Variants in BRF1 observed in about 807,000 individuals in gnomAD.
The protein encoded by BRF1 is transcription factor IIIB 90 kDa subunit.
A neutral mutation model predicts 81.7 loss-of-function variants in BRF1; 59 were observed. The ratio of observed to expected loss-of-function variants is 0.72; its 90% confidence interval spans 0.59 to 0.90. BRF1 has a LOEUF of 0.90. Among genes scored for constraint, BRF1 ranks in the 40% least tolerant of loss-of-function variants. The probability of loss-of-function intolerance (pLI) is 0.00; values close to 1 mark genes in which losing one functional copy is unlikely to be tolerated. For missense variants in BRF1, 1,050 were observed against 936.3 expected (o/e 1.12, Z -1.58); for synonymous variants, 491 against 395.6 (o/e 1.24, Z -2.86).
rs138535691 is a variant in BRF1 at position 105,229,073 on chromosome 14, T to C, written c.695-160A>G. 5.4e-3 allele frequency among the ~76,000 whole-genome samples: 820 copies of C among 152,342 alleles called. 7 individuals carry two copies. Among genetic ancestry groups the C allele is most frequent in the African/African-American group, 0.019 (797 of 41,572 alleles). ...GACCCTCACTTGGCATGGCTACTCC[T>C]GAACGACATGACCCTCTCTATCTTA... On this transcript the variant is annotated intron_variant, in intron 6 of 17. Transcript: ENST00000547530.
chr14:105,215,511 G>A (rs865775988), intron 15 of BRF1, among the ~76,000 whole-genome samples: 19 of 150,616 alleles, frequency 1.3e-4, no homozygotes, highest in Admixed American at 4.0e-4. Context: ...ACGCACACAC[G>A]TACTGTGTGC....
At chr14:105,273,772 G>A (rs1221846571) in intron 2 of BRF1, among the ~76,000 whole-genome samples, 2 of 152,192 alleles carry the variant, frequency 1.3e-5, no homozygotes, top group African/African-American at 4.8e-5. Flanking sequence ...AATACACTGC[G>A]GAAAGCTGCA....
intron 2 of BRF1, 97 bp from the exon 3 acceptor site, chr14:105,272,991 T>C (rs2140409841): frequency 7.4e-7 from 1 of 1,342,286 alleles, no homozygotes; most frequent in Non-Finnish European, 9.8e-7. Context: ...TATAGATTTG[T>C]GCTTTTCCTT....
chr14:105,217,367 G>C, intron 15 of BRF1, 177 bp downstream of exon 15: 1 of 993,046 alleles, frequency 1.0e-6, no homozygotes, highest in African/African-American at 1.6e-5. Flanking sequence ...AAGGAGAGTT[G>C]AGACACTGTC....
At chr14:105,228,996 T>A in intron 6 of BRF1, 83 bp from the exon 7 acceptor site, 4 of 1,275,246 alleles carry the variant, frequency 3.1e-6, no homozygotes, top group Non-Finnish European at 4.5e-6. Context: ...ACACTGCGGA[T>A]CCCGGTCACG....
chr14:105,248,808 G>A, intron 5 of BRF1: 1 of 984,404 alleles, frequency 1.0e-6, no homozygotes, highest in Non-Finnish European at 1.2e-6. Context: ...CCGGCGCGGC[G>A]CGAGGGCGCG....
chr14:105,254,172 T>C (rs2055754266), intron 4 of BRF1, among the ~76,000 whole-genome samples: 1 of 152,222 alleles, frequency 6.6e-6, no homozygotes, highest in Non-Finnish European at 1.5e-5. Flanking sequence ...ACCTGAACAC[T>C]GCAAGTGAGG....
In BRF1 at chr14:105,265,073, GT is replaced by G. The variant is rs1555387480; in HGVS notation, c.439+7647del. On this transcript the variant is annotated intron_variant, in intron 3 of 17. Coordinates refer to ENST00000547530, the MANE Select transcript of BRF1 (RefSeq NM_001519.4). ...TTTTTTGTTTTTTTTTTGTTTGTTT[GT>G]TTTTTTAGAGACAGGGTCTCACTCT... is the stretch of plus-strand genomic sequence containing the variant. 1.5e-5 allele frequency among the ~76,000 whole-genome samples: 2 copies of G among 131,398 alleles called. 1 individual carries two copies. The highest frequency in any genetic ancestry group is 3.3e-5 in the Non-Finnish European group (2 of 61,404). The allele number at this position is 131,398 out of a possible 152,430, so 86.2% of individuals were successfully genotyped here. A position where few individuals can be genotyped will look rare whatever the true frequency, so the allele number is the denominator to read the frequency against.
intron 2 of BRF1, among the ~76,000 whole-genome samples, chr14:105,275,270 G>A (rs1181905668): frequency 6.6e-6 from 1 of 152,168 alleles, no homozygotes; most frequent in Non-Finnish European, 1.5e-5. Context: ...ATCACATGGA[G>A]CCCCCAGCCC....
intron 3 of BRF1, among the ~76,000 whole-genome samples, chr14:105,258,097 G>A (rs1241022338): frequency 6.6e-6 from 1 of 152,228 alleles, no homozygotes; most frequent in Non-Finnish European, 1.5e-5. Flanking sequence ...GCTAACACAA[G>A]ATGTTAATAA....
chr14:105,291,960 T>C (rs1160197119), intron 1 of BRF1, among the ~76,000 whole-genome samples: 2 of 151,914 alleles, frequency 1.3e-5, no homozygotes, highest in Non-Finnish European at 2.9e-5. Context: ...ATTGCGCCAT[T>C]GCACTCCAGC....
intron 5 of BRF1, among the ~76,000 whole-genome samples, chr14:105,244,472 G>GT (rs587653643): frequency 2.0e-5 from 3 of 151,900 alleles, no homozygotes; most frequent in South Asian, 4.2e-4. Flanking sequence ...AGCAAAAAGT[G>GT]TTTTTTTCAA....
At position 105,286,314 on chromosome 14, in the gene BRF1, C is replaced by A; in HGVS notation, c.247G>T (p.Ala83Ser). 1 of 1,613,616 alleles carries A rather than the reference C, an allele frequency of 6.2e-7. No homozygotes were observed. The highest frequency in any genetic ancestry group is 1.1e-5 in the South Asian group (1 of 90,872). ...FHVNLGKESRAQTLQNGRRHI... is the reference protein window; with the variant it reads ...FHVNLGKESRSQTLQNGRRHI... Reference sequence around the variant, plus strand: ...GAAATACCATTCTGCAGGGTCTGCGCTCTCGACTCCTTCCCCAGATTCACG... The same window carrying A: ...GAAATACCATTCTGCAGGGTCTGCGATCTCGACTCCTTCCCCAGATTCACG... The change falls in exon 2 of 18, where the codon GCG becomes TCG. Residue 83 changes from alanine to serine, a missense_variant. Physicochemically the swap from Ala to Ser is moderately conservative, Grantham distance 99 (BLOSUM62 1). Coordinates refer to ENST00000547530, the MANE Select transcript of BRF1 (RefSeq NM_001519.4).
intron 5 of BRF1, among the ~76,000 whole-genome samples, chr14:105,245,188 G>A (rs964603041): frequency 1.3e-5 from 2 of 151,824 alleles, no homozygotes; most frequent in Non-Finnish European, 2.9e-5. Flanking sequence ...GCGAAACCCC[G>A]TCTCTACTAA....
intron 7 of BRF1, 107 bp downstream of exon 7, chr14:105,228,713 G>A (rs1047675013): frequency 3.1e-6 from 4 of 1,287,600 alleles, no homozygotes; most frequent in East Asian, 2.3e-5. Context: ...GCAGCCAGGC[G>A]GGGGACGGCA....
At chr14:105,248,295 G>T (rs1198375309) in intron 5 of BRF1, 1 of 985,334 alleles carries the variant, frequency 1.0e-6, no homozygotes, top group Non-Finnish European at 1.2e-6. Flanking sequence ...AAACAAGCAG[G>T]TCCACCTGCG....
chr14:105,268,204 TAACA>T (rs1364188578), intron 3 of BRF1, among the ~76,000 whole-genome samples: 1 of 152,202 alleles, frequency 6.6e-6, no homozygotes, highest in Non-Finnish European at 1.5e-5. Context: ...AAAGCTGCAA[TAACA>T]AGTCGAGACA....
At chr14:105,214,047 G>A (rs944810714) in intron 15 of BRF1, among the ~76,000 whole-genome samples, 5 of 152,328 alleles carry the variant, frequency 3.3e-5, no homozygotes, top group South Asian at 4.1e-4. Context: ...GGGGCGCTGC[G>A]GCCCATTGTT....
In BRF1 at chr14:105,209,411, G is replaced by C; in HGVS notation, c.*1140C>G. On this transcript the variant is annotated 3_prime_UTR_variant, in exon 18 of 18. Coordinates refer to ENST00000547530, the MANE Select transcript of BRF1 (RefSeq NM_001519.4). ...GGGCGGGGGTAGGGGGGTCTGGCCT[G>C]CTGCGGGCCAAGTTGGGGCAGGACA... 1.5e-6 allele frequency: 1 copy of C among 667,846 alleles called. No individual in the cohort carries two copies. Among genetic ancestry groups the C allele is most frequent in the Non-Finnish European group, 2.7e-6 (1 of 365,178 alleles). 41.4% of individuals were successfully genotyped at this position (667,846 alleles called of 1,614,324 possible). A position where few individuals can be genotyped will look rare whatever the true frequency, so the allele number is the denominator to read the frequency against.
Sources: gnomAD v4.1 joint callset for allele counts (sites outside exome capture counted in the v4.1 genomes callset) on GRCh38, gnomAD v4.1.1 for gene constraint, MANE v1.5 for transcripts, NCBI Gene and HGNC (gene_info 2026-07-23, HGNC 2026-07-21) for gene names.